Variants in PRKCB observed in about 807,000 individuals in gnomAD.
PRKCB encodes protein kinase C beta type.
In PRKCB, 13 loss-of-function variants were observed where a neutral mutation model predicts 81.5. That is an observed-to-expected ratio of 0.16 (90% CI 0.10 to 0.25). The LOEUF (loss-of-function observed/expected upper bound fraction) is 0.25. Among genes scored for constraint, PRKCB ranks in the 10% least tolerant of loss-of-function variants. PRKCB has a pLI of 1.00. For missense variants in PRKCB, 509 were observed against 875.7 expected (o/e 0.58, Z 5.29); for synonymous variants, 335 against 321.4 (o/e 1.04, Z -0.45).
chr16:23,932,528 C>T (rs1475896602), intron 2 of PRKCB, among the ~76,000 whole-genome samples: 4 of 152,224 alleles, frequency 2.6e-5, no homozygotes, highest in African/African-American at 9.6e-5. Context: ...GGTATGGCTC[C>T]ACTTGATCCT....
At chr16:23,914,445 C>A (rs141540802) in intron 2 of PRKCB, among the ~76,000 whole-genome samples, 117 of 152,256 alleles carry the variant, frequency 7.7e-4, no homozygotes, top group African/African-American at 2.7e-3. Flanking sequence ...TGAAACTCCA[C>A]CCTGAATTGG....
chr16:24,216,915 G>A lies in PRKCB; in HGVS notation c.*2099G>A. The A allele has an allele frequency of 1.0e-6, 1 of 985,460 alleles. No individual in the cohort carries two copies. Among genetic ancestry groups the A allele is most frequent in the Non-Finnish European group, 1.2e-6 (1 of 829,950 alleles). The allele number at this position is 985,460 out of a possible 1,614,324, so 61.0% of individuals were successfully genotyped here. On this transcript the variant is annotated 3_prime_UTR_variant, in exon 17 of 17. Coordinates refer to ENST00000643927, the MANE Select transcript of PRKCB (RefSeq NM_002738.7). ...CAGGGTGCTTTCTGCTCTGTAGCAA[G>A]GCAGCAGACATCTCTGAGCCAGGCC... is the stretch of plus-strand genomic sequence containing the variant.
intron 2 of PRKCB, among the ~76,000 whole-genome samples, chr16:23,845,295 A>G (rs1962348516): frequency 6.6e-6 from 1 of 152,112 alleles, no homozygotes; most frequent in African/African-American, 2.4e-5. Context: ...AAGAAAATGG[A>G]CTGGGTACCG....
chr16:24,043,002 G>A (rs746391216), intron 5 of PRKCB, among the ~76,000 whole-genome samples: 5 of 152,166 alleles, frequency 3.3e-5, no homozygotes, highest in Non-Finnish European at 7.3e-5. Context: ...CTCCCAAAGC[G>A]CTGGGATTAT....
chr16:23,893,489 T>C (rs1386223993), intron 2 of PRKCB: 1 of 152,238 alleles, frequency 6.6e-6, no homozygotes, highest in African/African-American at 2.4e-5. Flanking sequence ...AATTCCAGGT[T>C]CAGCTGTCTG....
chr16:24,124,263 A>T (rs1338208011), intron 9 of PRKCB, among the ~76,000 whole-genome samples: 1 of 152,208 alleles, frequency 6.6e-6, no homozygotes, highest in Non-Finnish European at 1.5e-5. Context: ...GAATGTTCTC[A>T]GAAGAGAGCA....
chr16:23,965,722 T>C (rs891172603), intron 2 of PRKCB, among the ~76,000 whole-genome samples: 12 of 152,220 alleles, frequency 7.9e-5, no homozygotes, highest in Non-Finnish European at 1.3e-4. Context: ...AGCTGTCCCC[T>C]CTACCATCCT....
rs1313793731 is a variant in PRKCB, at chr16:23,836,218, G to A, written c.43G>A (p.Glu15Lys). Residue 15 changes from glutamate (E) to lysine (K), a missense_variant, in exon 1 of 17, where the codon GAG becomes AAG. Around this residue, in one of 6 missense-constraint regions of PRKCB, gnomAD observed 33 missense variants for 21.9 expected, o/e 1.50. Transcript: ENST00000643927. Reference sequence around the variant, plus strand: ...GGGGCCGCCGCCGAGCGAGGGCGAGGAGAGCACCGTGCGCTTCGCCCGCAA... The same window carrying A: ...GGGGCCGCCGCCGAGCGAGGGCGAGAAGAGCACCGTGCGCTTCGCCCGCAA... ...AAGPPPSEGE[E>K]STVRFARKGA... is the part of the protein sequence containing the mutation. The A allele has an allele frequency of 3.1e-6, 5 of 1,595,482 alleles. No homozygotes were observed. In the South Asian group the frequency reaches 4.4e-5, roughly 14 times the overall value.
intron 8 of PRKCB, among the ~76,000 whole-genome samples, chr16:24,118,795 GT>G (rs1567381235): frequency 6.6e-6 from 1 of 152,126 alleles, no homozygotes; most frequent in Admixed American, 6.5e-5. Context: ...AGTTTAATTT[GT>G]GCCTCAATTT....
intron 2 of PRKCB, among the ~76,000 whole-genome samples, chr16:23,838,870 C>T (rs1208160052): frequency 6.6e-6 from 1 of 152,224 alleles, no homozygotes; most frequent in Admixed American, 6.5e-5. Context: ...CACCAGAGGA[C>T]TCCTCAAGTC....
chr16:24,115,788 A>C (rs198195), intron 8 of PRKCB, among the ~76,000 whole-genome samples: 108,434 of 151,508 alleles, frequency 0.72, 39,892 homozygotes, highest in African/African-American at 0.89. Flanking sequence ...TGCACTGGTG[A>C]GATCTCGGCT....
chr16:23,907,102 C>G lies in PRKCB; in HGVS notation c.205+69696C>G, dbSNP rs142090016. 2.1e-3 allele frequency among the ~76,000 whole-genome samples: 326 copies of G among 152,248 alleles called. 3 individuals are homozygous for G. The highest frequency in any genetic ancestry group is 7.4e-3 in the African/African-American group (309 of 41,532). On this transcript the variant is annotated intron_variant, in intron 2 of 16. Coordinates refer to ENST00000643927, the MANE Select transcript of PRKCB (RefSeq NM_002738.7). ...GGGGTGGAATAGGTCTTTGTTGGAG[C>G]CTGTCCCATGTAGTGTAGGATGTTT...
intron 2 of PRKCB, among the ~76,000 whole-genome samples, chr16:23,846,190 G>A (rs536385717): frequency 6.6e-6 from 1 of 152,296 alleles, no homozygotes; most frequent in South Asian, 2.1e-4. Flanking sequence ...ATTTCATTAA[G>A]GAGAAAGTCT....
intron 5 of PRKCB, among the ~76,000 whole-genome samples, chr16:24,061,906 T>TAAA (rs766717237): frequency 5.0e-4 from 23 of 46,060 alleles, no homozygotes; most frequent in Non-Finnish European, 6.7e-4. Flanking sequence ...GCACCTTAAA[T>TAAA]AAATAAAAAA....
chr16:23,917,574 T>A (rs1567313390), intron 2 of PRKCB, among the ~76,000 whole-genome samples: 1 of 152,206 alleles, frequency 6.6e-6, no homozygotes, highest in Non-Finnish European at 1.5e-5. Flanking sequence ...CGATTATGAA[T>A]GGGATTGGCC....
chr16:24,090,322 T>C (rs1966361982), intron 5 of PRKCB, among the ~76,000 whole-genome samples: 1 of 152,234 alleles, frequency 6.6e-6, no homozygotes, highest in Non-Finnish European at 1.5e-5. Context: ...TTGATCCTGG[T>C]AGCCGATTCA....
At chr16:24,092,056 A>G (rs1003533855) in intron 5 of PRKCB, among the ~76,000 whole-genome samples, 5 of 152,236 alleles carry the variant, frequency 3.3e-5, no homozygotes, top group Non-Finnish European at 5.9e-5. Flanking sequence ...TTAAACGTAC[A>G]ATTCAGTGAC....
At chr16:24,042,745 T>TA (rs1268338088) in intron 5 of PRKCB, among the ~76,000 whole-genome samples, 1 of 150,516 alleles carries the variant, frequency 6.6e-6, no homozygotes, top group African/African-American at 2.4e-5. Flanking sequence ...CATACAAAAT[T>TA]TTTTTTTTTT....
At chr16:23,859,871 G>A (rs929458236) in intron 2 of PRKCB, among the ~76,000 whole-genome samples, 3 of 150,314 alleles carry the variant, frequency 2.0e-5, no homozygotes, top group Non-Finnish European at 4.4e-5. Context: ...AGCATTAGGA[G>A]AGAGAGAGAG....
Sources: allele counts gnomAD v4.1 joint callset (sites outside exome capture counted in the v4.1 genomes callset), GRCh38; gene constraint gnomAD v4.1.1; regional missense constraint gnomAD v4.1.1; transcripts MANE v1.5; gene names NCBI Gene and HGNC (gene_info 2026-07-23, HGNC 2026-07-21).